FMN1: variants seen among roughly 807,000 people sequenced by gnomAD.
The protein encoded by FMN1 is formin 1.
A neutral mutation model predicts 132.4 loss-of-function variants in FMN1; 110 were observed. The observed-to-expected ratio is 0.83, with a 90% CI of 0.71 to 0.97. The LOEUF (loss-of-function observed/expected upper bound fraction) is 0.97, where lower values mean the gene tolerates loss of function less well. FMN1 is among the 50% of genes least tolerant of loss of function. The pLI, the probability that FMN1 is intolerant of heterozygous loss-of-function variation, is 0.00. For synonymous variants in FMN1, 722 were observed against 651.7 expected (o/e 1.11, Z -1.64); for missense variants, 1,792 against 1,705.3 (o/e 1.05, Z -0.90).
intron 4 of FMN1, chr15:33,106,292 A>ACG (rs1555400912): frequency 8.6e-5 from 13 of 151,062 alleles, no homozygotes; most frequent in South Asian, 4.2e-4. Context: ...ACACACACAC[A>ACG]CACGCACGCA....
chr15:32,831,791 G>A (rs560642706), intron 17 of FMN1, among the ~76,000 whole-genome samples: 1 of 151,252 alleles, frequency 6.6e-6, no homozygotes, highest in East Asian at 1.9e-4. Flanking sequence ...TGAAGAATGT[G>A]GGTGGGGATG....
intron 6 of FMN1, among the ~76,000 whole-genome samples, chr15:33,046,888 A>G (rs1458470513): frequency 6.6e-6 from 1 of 152,192 alleles, no homozygotes; most frequent in Non-Finnish European, 1.5e-5. Flanking sequence ...GTCTTTCTGC[A>G]CGGTTCTATC....
At chr15:32,892,034 G>A (rs1413495573) in intron 15 of FMN1, among the ~76,000 whole-genome samples, 1 of 152,050 alleles carries the variant, frequency 6.6e-6, no homozygotes, top group Non-Finnish European at 1.5e-5. Flanking sequence ...TTACTGATTT[G>A]GATGCCCTTC....
At chr15:33,164,893 G>A (rs1415316779) in intron 3 of FMN1, among the ~76,000 whole-genome samples, 2 of 152,178 alleles carry the variant, frequency 1.3e-5, no homozygotes, top group African/African-American at 2.4e-5. Context: ...GGTAAATGGG[G>A]TATCCATCAC....
chr15:33,001,290 A>G (rs1024845589), intron 7 of FMN1, among the ~76,000 whole-genome samples: 2 of 150,036 alleles, frequency 1.3e-5, no homozygotes, highest in Admixed American at 6.7e-5. Flanking sequence ...TCTCAAAAAG[A>G]AAAAAAAAAG....
At chr15:32,880,159 G>C (rs975519631) in intron 16 of FMN1, among the ~76,000 whole-genome samples, 2 of 136,532 alleles carry the variant, frequency 1.5e-5, no homozygotes, top group African/African-American at 3.0e-5. Flanking sequence ...ACCATGACTT[G>C]GTTAGACTAG....
intron 4 of FMN1, among the ~76,000 whole-genome samples, chr15:33,125,351 T>C (rs1902148): frequency 0.59 from 89,590 of 152,096 alleles, 26,842 homozygotes; most frequent in African/African-American, 0.68. Flanking sequence ...GGAAAATAGT[T>C]TCCTTTTAAA....
intron 6 of FMN1, 21 bp from the exon 7 acceptor site, chr15:33,008,096 C>G: frequency 6.4e-7 from 1 of 1,568,308 alleles, no homozygotes; most frequent in Non-Finnish European, 8.7e-7. Flanking sequence ...AAAAAAGAGG[C>G]CAATTATAAA....
At chr15:32,900,201 T>A in intron 13 of FMN1, 76 bp from the exon 14 acceptor site, 1 of 1,506,836 alleles carries the variant, frequency 6.6e-7, no homozygotes, top group Non-Finnish European at 9.2e-7. Context: ...AAATATCGAC[T>A]GTGTACTCAA....
chr15:33,009,834 G>A (rs914548081), intron 6 of FMN1, among the ~76,000 whole-genome samples: 8 of 152,144 alleles, frequency 5.3e-5, no homozygotes, highest in African/African-American at 1.9e-4. Flanking sequence ...TCCATATGAT[G>A]GAATACTACT....
intron 9 of FMN1, among the ~76,000 whole-genome samples, chr15:32,954,690 C>T (rs149258492): frequency 5.1e-4 from 77 of 152,236 alleles, no homozygotes; most frequent in African/African-American, 1.6e-3. Context: ...TAAATGCAGA[C>T]GAATGCCCAT....
intron 2 of FMN1, among the ~76,000 whole-genome samples, chr15:33,193,304 A>T (rs1024626302): frequency 1.3e-5 from 2 of 152,090 alleles, no homozygotes; most frequent in African/African-American, 4.8e-5. Context: ...GATCCAAGAG[A>T]TTTGCAGTAA....
chr15:32,996,626 C>G (rs2033786301), intron 7 of FMN1, among the ~76,000 whole-genome samples: 1 of 152,172 alleles, frequency 6.6e-6, no homozygotes, highest in South Asian at 2.1e-4. Context: ...ATAGTAAATG[C>G]TCAATTAAGT....
In FMN1 at chr15:32,969,280, T is replaced by C. The variant is rs2031564416; in HGVS notation, c.2421A>G (p.Thr807=). The stretch of plus-strand genomic sequence containing the variant: ...AGGGCTTGAGGAAGGTCTCTCTGTC[T>C]GTCTGGACGCACACATTTCTGAAGG... ...PKTFRNVCVQ[T]DRETFLKPCE... Residue 807 remains threonine, a synonymous_variant, in exon 8 of 21, where the codon ACA becomes ACG. Transcript: ENST00000616417. 6.2e-7 allele frequency: 1 copy of C among 1,613,832 alleles called. No homozygotes were observed. The highest frequency in any genetic ancestry group is 1.7e-5 in the Admixed American group (1 of 60,004).
At chr15:33,159,658 G>A (rs1964811533) in intron 3 of FMN1, among the ~76,000 whole-genome samples, 1 of 152,194 alleles carries the variant, frequency 6.6e-6, no homozygotes, top group African/African-American at 2.4e-5. Flanking sequence ...GGAAGACCAG[G>A]CTTTGAAGTA....
At chr15:32,863,358 C>T (rs896386415) in intron 16 of FMN1, among the ~76,000 whole-genome samples, 9 of 152,096 alleles carry the variant, frequency 5.9e-5, no homozygotes, top group East Asian at 1.9e-4. Flanking sequence ...GGCGTGAACC[C>T]GGGAGGCGGA....
In FMN1 at chr15:32,927,742, G is replaced by A. The variant is rs184603448; in HGVS notation, c.3139-1481C>T. ...ACATATCACGAAGCTGCCACTAAGG[G>A]AAAAAAACTCTCTTTCCTCTCATGT... On this transcript the variant is annotated intron_variant, in intron 9 of 20. Coordinates refer to ENST00000616417, the MANE Select transcript of FMN1 (RefSeq NM_001277313.2). Among the ~76,000 whole-genome samples the A allele has an allele frequency of 5.5e-3, 829 of 152,090 alleles. 7 individuals carry two copies. Among genetic ancestry groups the A allele is most frequent in the African/African-American group, 0.019 (802 of 41,500 alleles).
chr15:33,019,644 C>CG (rs979538492), intron 6 of FMN1, among the ~76,000 whole-genome samples: 11 of 152,330 alleles, frequency 7.2e-5, no homozygotes, highest in African/African-American at 2.6e-4. Flanking sequence ...AGCTAAGCCC[C>CG]GGGGACAAAT....
chr15:33,115,496 C>G (rs140674936), intron 4 of FMN1, among the ~76,000 whole-genome samples: 1 of 141,646 alleles, frequency 7.1e-6, no homozygotes, highest in Non-Finnish European at 1.5e-5. Context: ...CTTAAGCCCC[C>G]CCCCCCCACA....
Sources: gnomAD v4.1 joint callset for allele counts (sites outside exome capture counted in the v4.1 genomes callset) on GRCh38, gnomAD v4.1.1 for gene constraint, MANE v1.5 for transcripts, NCBI Gene and HGNC (gene_info 2026-07-23, HGNC 2026-07-21) for gene names.